Variants in ZBTB4 observed in about 807,000 individuals in gnomAD.
The protein encoded by ZBTB4 is zinc finger and BTB domain-containing protein 4.
Under a neutral mutation model 59.8 loss-of-function variants are expected in ZBTB4, and 14 were observed. The observed-to-expected ratio is 0.23, with a 90% confidence interval of 0.15 to 0.37. ZBTB4 has a LOEUF of 0.37. Ranked by LOEUF, ZBTB4 falls within the 10% of genes least tolerant of loss-of-function variation. ZBTB4 has a pLI of 1.00. For synonymous variants in ZBTB4, 587 were observed against 575.2 expected (o/e 1.02, Z -0.29); for missense variants, 1,198 against 1,380.8 (o/e 0.87, Z 2.10).
At chr17:7,465,488 A>C (rs940837978) in intron 3 of ZBTB4, among the ~76,000 whole-genome samples, 52 of 152,130 alleles carry the variant, frequency 3.4e-4, no homozygotes, top group Non-Finnish European at 6.2e-4. Context: ...AAAGAAAAAA[A>C]AATTGTTTGT....
chr17:7,471,703 T>C (rs1204075481), intron 1 of ZBTB4, among the ~76,000 whole-genome samples: 1 of 152,184 alleles, frequency 6.6e-6, no homozygotes, highest in African/African-American at 2.4e-5. Flanking sequence ...CCTCTCTGTA[T>C]CTGTTTCTTT....
upstream of ZBTB4, chr17:7,481,889 C>T (rs1445491890): frequency 2.7e-6 from 4 of 1,468,028 alleles, no homozygotes; most frequent in Non-Finnish European, 2.7e-6. Flanking sequence ...CAACACTGTA[C>T]AGTCCCACAG....
intron 3 of ZBTB4, 121 bp downstream of exon 3, chr17:7,465,590 T>C (rs956097587): frequency 7.0e-7 from 1 of 1,431,408 alleles, no homozygotes; most frequent in African/African-American, 1.4e-5. Flanking sequence ...CTGGGATTAC[T>C]GCAGCTAGCC....
At chr17:7,473,557 CT>C (rs1396708483) in intron 1 of ZBTB4, among the ~76,000 whole-genome samples, 1 of 151,676 alleles carries the variant, frequency 6.6e-6, no homozygotes, top group Non-Finnish European at 1.5e-5. Flanking sequence ...AATTATTTAT[CT>C]TTTTTTGAGA....
At chr17:7,481,964 C>A, upstream of ZBTB4, 1 of 1,567,976 alleles carries the variant, frequency 6.4e-7, no homozygotes, top group Non-Finnish European at 8.6e-7. Context: ...TGCTGTCTAC[C>A]CTGAGCTCCT....
At chr17:7,469,938 C>T (rs1252971015) in intron 1 of ZBTB4, among the ~76,000 whole-genome samples, 11 of 151,776 alleles carry the variant, frequency 7.2e-5, no homozygotes, top group African/African-American at 2.2e-4. Flanking sequence ...AAAAATTAGC[C>T]GGACGTGGTG....
upstream of ZBTB4, chr17:7,482,639 C>T: frequency 6.2e-7 from 1 of 1,612,090 alleles, no homozygotes; most frequent in Non-Finnish European, 8.5e-7. Context: ...TCCCTCCTGC[C>T]TCCCAACAGT....
chr17:7,478,155 C>T (rs1050582806), intron 1 of ZBTB4, among the ~76,000 whole-genome samples: 1 of 152,178 alleles, frequency 6.6e-6, no homozygotes, highest in Non-Finnish European at 1.5e-5. Flanking sequence ...CATGTGTTTT[C>T]TGACCAGTTT....
Position 7,461,801 on chromosome 17 carries a change from C to A in ZBTB4, c.*139G>T. The A allele has an allele frequency of 4.6e-6, 3 of 649,394 alleles. No individual in the cohort carries two copies. Among genetic ancestry groups the A allele is most frequent in the Non-Finnish European group, 7.8e-6 (3 of 384,842 alleles). 40.2% of individuals were successfully genotyped at this position (649,394 alleles called of 1,614,324 possible). On this transcript the variant is annotated 3_prime_UTR_variant, in exon 4 of 4. Coordinates refer to ENST00000380599, the MANE Select transcript of ZBTB4 (RefSeq NM_001128833.2). ...CTACATCTCACACAAAGCAGCCTGA[C>A]CCCTGAGCTCCAGGGGCCCCCAAGT...
chr17:7,477,982 G>T (rs1226065958), intron 1 of ZBTB4, among the ~76,000 whole-genome samples: 1 of 152,054 alleles, frequency 6.6e-6, no homozygotes, highest in Non-Finnish European at 1.5e-5. Context: ...CGGCCTCCAT[G>T]CGCTACCCTG....
At chr17:7,480,495 G>A (rs1185544970), upstream of ZBTB4, among the ~76,000 whole-genome samples, 2 of 151,990 alleles carry the variant, frequency 1.3e-5, no homozygotes, top group East Asian at 1.9e-4. Context: ...CGAGGTGGGC[G>A]GATCACGAGG....
chr17:7,460,028 T>G lies in ZBTB4; in HGVS notation c.*1912A>C, dbSNP rs1044393346. 2 of 152,678 alleles carry G rather than the reference T, an allele frequency of 1.3e-5. No individual in the cohort carries two copies. Among genetic ancestry groups the G allele is most frequent in the African/African-American group, 2.4e-5 (1 of 41,568 alleles). 9.5% of individuals were successfully genotyped at this position (152,678 alleles called of 1,614,324 possible). A position where few individuals can be genotyped will look rare whatever the true frequency, so the allele number is the denominator to read the frequency against. On this transcript the variant is annotated 3_prime_UTR_variant, in exon 4 of 4. Transcript: ENST00000380599. ...GATAGATATATAATTTGTGTGTAGA[T>G]ATATATATATGTATTCTTTATTACG...
chr17:7,464,781 T>G (rs928099272), intron 3 of ZBTB4, among the ~76,000 whole-genome samples: 2 of 147,556 alleles, frequency 1.4e-5, no homozygotes, highest in Non-Finnish European at 3.0e-5. Flanking sequence ...GAGGTTGCAC[T>G]GAGCTGAGAT....
intron 1 of ZBTB4, among the ~76,000 whole-genome samples, chr17:7,470,662 C>T (rs547240458): frequency 6.6e-6 from 1 of 152,286 alleles, no homozygotes; most frequent in Admixed American, 6.5e-5. Context: ...CACCATTGCA[C>T]TCCAGCTTGG....
At chr17:7,465,198 C>T (rs934732842) in intron 3 of ZBTB4, among the ~76,000 whole-genome samples, 10 of 149,098 alleles carry the variant, frequency 6.7e-5, no homozygotes, top group Non-Finnish European at 1.3e-4. Context: ...GTGGCTCACG[C>T]CTGTAATCCC....
At chr17:7,483,233 C>G (rs1400733552), upstream of ZBTB4, 4 of 805,524 alleles carry the variant, frequency 5.0e-6, no homozygotes, top group Non-Finnish European at 7.6e-6. Context: ...CAGGGCATAA[C>G]TAAGGGGTAA....
intron 3 of ZBTB4, 55 bp from the exon 4 acceptor site, chr17:7,463,945 C>T: frequency 6.4e-7 from 1 of 1,556,614 alleles, no homozygotes; most frequent in Non-Finnish European, 8.6e-7. Flanking sequence ...AGTCAAGGGC[C>T]CTGAAGCCTC....
chr17:7,466,363 G>A lies in ZBTB4; in HGVS notation c.439C>T (p.Arg147Trp), dbSNP rs1187285301. ...SDVLNFIYSA[R>W]LALPGGGGDG... is the part of the protein sequence containing the mutation. ...CCTCCACCACCAGGCAGTGCGAGCC[G>A]GGCGCTGTAGATGAAGTTGAGGACA... Residue 147 changes from arginine (R) to tryptophan (W), a missense_variant, in exon 3 of 4, where the codon CGG becomes TGG. Coordinates refer to ENST00000380599, the MANE Select transcript of ZBTB4 (RefSeq NM_001128833.2). This position sits in a 1 kb window ranked among gnomAD's most constrained non-coding sequence, Gnocchi z 9.1. The A allele has an allele frequency of 3.7e-6, 6 of 1,613,936 alleles. No homozygotes were observed. Among genetic ancestry groups the A allele is most frequent in the Admixed American group, 1.7e-5 (1 of 59,992 alleles).
intron 1 of ZBTB4, among the ~76,000 whole-genome samples, chr17:7,476,305 C>T (rs1344428264): frequency 6.6e-6 from 1 of 152,168 alleles, no homozygotes; most frequent in Non-Finnish European, 1.5e-5. Context: ...TGGTCTAGCT[C>T]CAATCTTCCT....
Sources: allele counts gnomAD v4.1 joint callset (sites outside exome capture counted in the v4.1 genomes callset), GRCh38; gene constraint gnomAD v4.1.1; non-coding constraint Gnocchi (gnomAD v3.1); transcripts MANE v1.5; gene names NCBI Gene and HGNC (gene_info 2026-07-23, HGNC 2026-07-21).